Variants in SCEL observed in about 807,000 individuals in gnomAD.
The protein encoded by SCEL is sciellin.
SCEL carries 113 observed loss-of-function variants against 117.6 expected under a neutral mutation model. That is an observed-to-expected ratio of 0.96 (90% confidence interval 0.83 to 1.12). The LOEUF is 1.12. Among genes scored for constraint, SCEL ranks in the 50% most tolerant of loss-of-function variants. The pLI is 0.00. For missense variants in SCEL, 785 were observed against 810.8 expected (o/e 0.97, Z 0.39); for synonymous variants, 270 against 256.2 (o/e 1.05, Z -0.51).
rs533682528 is a variant in SCEL, at chr13:77,553,667, C to T, written c.-19-2190C>T. Among the ~76,000 whole-genome samples, 3 of 152,108 alleles carry T rather than the reference C, an allele frequency of 2.0e-5. No homozygotes were observed. The East Asian group carries it at 5.8e-4, about 29-fold the overall frequency. On this transcript the variant is annotated intron_variant, in intron 1 of 32. Coordinates refer to ENST00000349847, the MANE Select transcript of SCEL (RefSeq NM_144777.3). ...TCAGCTGCCCAAGTTCAAGTCTGTC[C>T]CATCCCTTCCCACATCCAACCATAC...
chr13:77,591,205 A>G (rs1416730685), intron 10 of SCEL, among the ~76,000 whole-genome samples, 190 bp from the exon 11 acceptor site: 1 of 152,180 alleles, frequency 6.6e-6, no homozygotes, highest in Admixed American at 6.5e-5. Context: ...CGATAAAGAT[A>G]GATTAAATTA....
intron 1 of SCEL, among the ~76,000 whole-genome samples, chr13:77,544,193 T>A (rs1214423889): frequency 6.6e-6 from 1 of 152,184 alleles, no homozygotes; most frequent in African/African-American, 2.4e-5. Flanking sequence ...AGAATTGAAG[T>A]CCTTGTTTTT....
intron 1 of SCEL, among the ~76,000 whole-genome samples, chr13:77,546,875 A>G (rs953461010): frequency 6.6e-6 from 1 of 152,158 alleles, no homozygotes. Context: ...GATTGCCCAC[A>G]GTCACTAAGG....
In SCEL at chr13:77,559,806, A is replaced by T; in HGVS notation, c.164A>T (p.Asp55Val). Residue 55 changes from aspartate (D) to valine (V), a missense_variant and splice_region_variant, in exon 4 of 33, where the codon GAT (aspartate) becomes GTT (valine). By Grantham distance (152) the Asp-to-Val change is radical. Coordinates refer to ENST00000349847, the MANE Select transcript of SCEL (RefSeq NM_144777.3). ...ATACTTTTGTTCTTTCTTTGCAGAG[A>T]TGAAAATTACGGTAGGGTGGTGCTC... Reference protein sequence around the residue: ...WIKKRPEEEKDENYGRVVLNR... With the variant: ...WIKKRPEEEKVENYGRVVLNR... The T allele has an allele frequency of 1.2e-6, 2 of 1,613,584 alleles. No individual in the cohort carries two copies. The highest frequency in any genetic ancestry group is 1.1e-5 in the South Asian group (1 of 90,960).
chr13:77,602,168 TA>T, intron 16 of SCEL, 44 bp downstream of exon 16: 1 of 1,528,780 alleles, frequency 6.5e-7, no homozygotes, highest in Non-Finnish European at 9.0e-7. Flanking sequence ...TTATTCAGGT[TA>T]GCTTTTTTAC....
At chr13:77,575,650 T>G (rs550923199) in intron 9 of SCEL, among the ~76,000 whole-genome samples, 4 of 152,216 alleles carry the variant, frequency 2.6e-5, no homozygotes, top group Non-Finnish European at 5.9e-5. Flanking sequence ...CGAGAGAATC[T>G]AATTCATAAC....
At chr13:77,604,722 A>G (rs117763394) in intron 19 of SCEL, among the ~76,000 whole-genome samples, 1,917 of 152,296 alleles carry the variant, frequency 0.013, 43 homozygotes, top group Non-Finnish European at 0.018. Context: ...GTATTAGTGT[A>G]TGTGTGTGAA....
intron 12 of SCEL, among the ~76,000 whole-genome samples, chr13:77,595,473 C>T (rs2087169962): frequency 6.6e-6 from 1 of 152,198 alleles, no homozygotes; most frequent in Non-Finnish European, 1.5e-5. Flanking sequence ...ATTTGGAATA[C>T]AGTATCCATT....
At chr13:77,583,137 T>G (rs139576884) in intron 9 of SCEL, among the ~76,000 whole-genome samples, 19 of 152,314 alleles carry the variant, frequency 1.2e-4, no homozygotes, top group African/African-American at 3.6e-4. Flanking sequence ...TCAAGGTACT[T>G]GTGGAGTGGA....
At chr13:77,637,380 A>G (rs1256764287) in intron 30 of SCEL, among the ~76,000 whole-genome samples, 186 bp downstream of exon 30, 1 of 138,716 alleles carries the variant, frequency 7.2e-6, no homozygotes, top group Non-Finnish European at 1.5e-5. Flanking sequence ...ATAAACATAT[A>G]TACATATATA....
At chr13:77,546,167 A>C (rs750132673) in intron 1 of SCEL, among the ~76,000 whole-genome samples, 3 of 152,204 alleles carry the variant, frequency 2.0e-5, no homozygotes, top group African/African-American at 4.8e-5. Context: ...AGGCTGAGCT[A>C]TCAGGAAATG....
intron 1 of SCEL, among the ~76,000 whole-genome samples, chr13:77,546,657 G>C (rs911472027): frequency 6.6e-6 from 1 of 151,032 alleles, no homozygotes; most frequent in African/African-American, 2.4e-5. Flanking sequence ...TGGAGGAAGA[G>C]CATAAGGCTT....
chr13:77,620,136 G>A (rs1013243406), intron 27 of SCEL, among the ~76,000 whole-genome samples: 8 of 152,138 alleles, frequency 5.3e-5, no homozygotes, highest in Non-Finnish European at 7.4e-5. Context: ...CCTAACCTAT[G>A]TCTAATTATT....
chr13:77,578,589 C>T (rs1404775164), intron 9 of SCEL, among the ~76,000 whole-genome samples: 1 of 152,124 alleles, frequency 6.6e-6, no homozygotes, highest in Non-Finnish European at 1.5e-5. Flanking sequence ...GAGCTTCTAG[C>T]AGGGAACTCA....
chr13:77,639,440 C>T (rs2090456205), intron 30 of SCEL, among the ~76,000 whole-genome samples: 1 of 152,162 alleles, frequency 6.6e-6, no homozygotes, highest in Admixed American at 6.5e-5. Flanking sequence ...TCTTCTCCTA[C>T]TTACTTTTCC....
chr13:77,616,599 AC>A (rs2089062864), intron 24 of SCEL, among the ~76,000 whole-genome samples: 1 of 152,022 alleles, frequency 6.6e-6, no homozygotes. Context: ...AGAGGTGAGA[AC>A]CATGAAGAAT....
intron 31 of SCEL, 38 bp downstream of exon 31, chr13:77,640,822 T>A (rs1306518242): frequency 2.8e-6 from 3 of 1,061,082 alleles, no homozygotes; most frequent in Non-Finnish European, 4.2e-6. Context: ...AAATAAAAAA[T>A]TGCATAATAA....
chr13:77,541,561 T>C (rs1488174053), intron 1 of SCEL, among the ~76,000 whole-genome samples: 6 of 152,198 alleles, frequency 3.9e-5, no homozygotes, highest in Non-Finnish European at 8.8e-5. Context: ...TGATGTTACA[T>C]TGATAAATAA....
chr13:77,558,015 C>T (rs1025356183), intron 3 of SCEL, among the ~76,000 whole-genome samples: 2 of 152,174 alleles, frequency 1.3e-5, no homozygotes, highest in East Asian at 1.9e-4. Flanking sequence ...TTGGAGTTAG[C>T]ACTATTGGAC....
Sources: gnomAD v4.1 joint callset for allele counts (sites outside exome capture counted in the v4.1 genomes callset) on GRCh38, gnomAD v4.1.1 for gene constraint, MANE v1.5 for transcripts, NCBI Gene and HGNC (gene_info 2026-07-23, HGNC 2026-07-21) for gene names.